RBFOX1: variants seen among roughly 807,000 people sequenced by gnomAD.
RBFOX1 encodes RNA binding fox-1 homolog 1.
A neutral mutation model predicts 57.7 loss-of-function variants in RBFOX1; 8 were observed. That is an observed-to-expected ratio of 0.14 (90% CI 0.08 to 0.25). RBFOX1 has a LOEUF of 0.25. Ranked by LOEUF, RBFOX1 falls within the 10% of genes least tolerant of loss-of-function variation. RBFOX1 has a pLI of 1.00. For missense variants in RBFOX1, 611 were observed against 548.5 expected, an observed-to-expected ratio of 1.11 and a Z score of -1.14; for synonymous variants, 326 against 222.4, an observed-to-expected ratio of 1.47 and a Z score of -4.15.
At chr16:6,815,598 T>A (rs944245371) in intron 3 of RBFOX1, among the ~76,000 whole-genome samples, 1 of 152,182 alleles carries the variant, frequency 6.6e-6, no homozygotes, top group Non-Finnish European at 1.5e-5. Context: ...TTAATCTCAT[T>A]TTACCAATGA....
intron 2 of RBFOX1, among the ~76,000 whole-genome samples, chr16:6,472,152 C>T (rs1396039484): frequency 6.6e-6 from 1 of 152,340 alleles, no homozygotes; most frequent in Non-Finnish European, 1.5e-5. Context: ...ATCCACTTCT[C>T]AATTCCACAT....
At chr16:6,859,185 GTA>G (rs58752352) in intron 3 of RBFOX1, among the ~76,000 whole-genome samples, 4,333 of 42,666 alleles carry the variant, frequency 0.1, 437 homozygotes, top group East Asian at 0.43. Flanking sequence ...GTATATATAT[GTA>G]TATATATATG....
intron 2 of RBFOX1, among the ~76,000 whole-genome samples, chr16:6,491,222 C>CTA (rs967579708): frequency 4.0e-5 from 6 of 151,364 alleles, no homozygotes; most frequent in Non-Finnish European, 8.8e-5. Context: ...TATAGTTAAA[C>CTA]TATATATATA....
chr16:5,884,465 C>A (rs2057846133), intron 4 of RBFOX1, among the ~76,000 whole-genome samples: 1 of 146,356 alleles, frequency 6.8e-6, no homozygotes, highest in African/African-American at 2.5e-5. Flanking sequence ...CTCCCCACCA[C>A]CCCCCTACCC....
At chr16:6,620,365 A>G (rs1463650786) in intron 2 of RBFOX1, among the ~76,000 whole-genome samples, 1 of 152,224 alleles carries the variant, frequency 6.6e-6, no homozygotes, top group Non-Finnish European at 1.5e-5. Flanking sequence ...AGGGAAATGT[A>G]TAGCACTAAA....
At chr16:7,429,001 ATTG>A (rs1568855745) in intron 4 of RBFOX1, among the ~76,000 whole-genome samples, 3 of 152,212 alleles carry the variant, frequency 2.0e-5, no homozygotes, top group South Asian at 2.1e-4. Context: ...GAGGATTTCT[ATTG>A]TTGTCCTTGA....
intron 1 of RBFOX1, among the ~76,000 whole-genome samples, chr16:6,072,798 G>T (rs1991056): frequency 0.3 from 45,216 of 151,770 alleles, 7,016 homozygotes; most frequent in African/African-American, 0.33. Flanking sequence ...AGATCTCATA[G>T]TAAATGTTCT....
intron 4 of RBFOX1, among the ~76,000 whole-genome samples, chr16:7,147,005 C>G (rs7501362): frequency 4.2e-5 from 1 of 23,872 alleles, no homozygotes; most frequent in African/African-American, 2.0e-4. Context: ...TTTGAGATGG[C>G]GTCTCCCTCT....
chr16:7,012,154 T>A (rs943510672), intron 3 of RBFOX1, among the ~76,000 whole-genome samples: 1 of 152,216 alleles, frequency 6.6e-6, no homozygotes, highest in Non-Finnish European at 1.5e-5. Context: ...GATGAGACTA[T>A]GATCACTATC....
intron 3 of RBFOX1, among the ~76,000 whole-genome samples, chr16:5,644,858 C>G (rs1034374903): frequency 6.6e-6 from 1 of 152,086 alleles, no homozygotes; most frequent in Non-Finnish European, 1.5e-5. Context: ...CGTTCATGTG[C>G]GAGTTTTTGT....
rs185832151 is a variant in RBFOX1, at chr16:6,962,571, A to G, written c.-15-89486A>G. Among the ~76,000 whole-genome samples the G allele has an allele frequency of 1.3e-4, 20 of 152,292 alleles. No homozygotes were observed. The East Asian group carries it at 2.7e-3, about 21-fold the overall frequency. On this transcript the variant is annotated intron_variant, in intron 3 of 15. Transcript: ENST00000550418. ...TAAAGTTCATTCAATTCAACCTGTTAACATGAGGCTTGGAGCCAGGAGCTC... is the reference window on the plus strand; with the variant it reads ...TAAAGTTCATTCAATTCAACCTGTTGACATGAGGCTTGGAGCCAGGAGCTC...
chr16:6,711,562 C>T (rs1311394083), intron 3 of RBFOX1, among the ~76,000 whole-genome samples: 2 of 152,210 alleles, frequency 1.3e-5, no homozygotes, highest in Admixed American at 6.5e-5. Context: ...GTTCTGCCCT[C>T]ACTCTCTGTC....
At chr16:7,532,377 G>A (rs933394532) in intron 5 of RBFOX1, among the ~76,000 whole-genome samples, 1 of 152,194 alleles carries the variant, frequency 6.6e-6, no homozygotes, top group Non-Finnish European at 1.5e-5. Flanking sequence ...TGTGACTCCA[G>A]AAGGCAGATG....
chr16:6,917,944 C>G (rs938746291), intron 3 of RBFOX1, among the ~76,000 whole-genome samples: 3 of 152,140 alleles, frequency 2.0e-5, no homozygotes, highest in African/African-American at 7.2e-5. Context: ...CTTACTCAAC[C>G]TAAGTCTCAG....
intron 4 of RBFOX1, among the ~76,000 whole-genome samples, chr16:7,239,381 C>A (rs549004407): frequency 1.3e-5 from 2 of 152,134 alleles, no homozygotes; most frequent in African/African-American, 4.8e-5. Flanking sequence ...TGCCTGTAAT[C>A]CCAGTTACTT....
chr16:5,913,760 T>A (rs894502489), intron 4 of RBFOX1, among the ~76,000 whole-genome samples: 2 of 152,226 alleles, frequency 1.3e-5, no homozygotes, highest in African/African-American at 4.8e-5. Flanking sequence ...ACATCCAAAA[T>A]GCCAATAATT....
chr16:7,421,220 G>A (rs2098539729), intron 4 of RBFOX1, among the ~76,000 whole-genome samples: 1 of 148,848 alleles, frequency 6.7e-6, no homozygotes, highest in Non-Finnish European at 1.5e-5. Context: ...AGTAGACATG[G>A]GAGGCAGAAA....
chr16:5,956,042 A>C (rs559056747), intron 4 of RBFOX1, among the ~76,000 whole-genome samples: 2 of 152,272 alleles, frequency 1.3e-5, no homozygotes, highest in Non-Finnish European at 2.9e-5. Context: ...CAGGAGGATC[A>C]CTTGAGGCCA....
At chr16:7,619,543 C>T (rs1162534841) in intron 10 of RBFOX1, among the ~76,000 whole-genome samples, 1 of 152,122 alleles carries the variant, frequency 6.6e-6, no homozygotes, top group Non-Finnish European at 1.5e-5. Context: ...TGAAGGATCT[C>T]ATCCTCATTC....
Sources: gnomAD v4.1 joint callset for allele counts (sites outside exome capture counted in the v4.1 genomes callset) on GRCh38, gnomAD v4.1.1 for gene constraint, MANE v1.5 for transcripts, NCBI Gene and HGNC (gene_info 2026-07-23, HGNC 2026-07-21) for gene names.